SLC26A7: variants seen among roughly 807,000 people sequenced by gnomAD.
The protein encoded by SLC26A7 is anion exchange transporter.
Under a neutral mutation model 82.5 loss-of-function variants are expected in SLC26A7, and 59 were observed. The ratio of observed to expected loss-of-function variants is 0.72; its 90% CI spans 0.58 to 0.89. The LOEUF (loss-of-function observed/expected upper bound fraction) is 0.89. SLC26A7 is among the 40% of genes least tolerant of loss of function. The probability of loss-of-function intolerance (pLI) is 0.00; values close to 1 mark genes in which losing one functional copy is unlikely to be tolerated. For synonymous variants in SLC26A7, 271 were observed against 274.3 expected, an observed-to-expected ratio of 0.99 and a Z score of 0.12; for missense variants, 820 against 793.0, an observed-to-expected ratio of 1.03 and a Z score of -0.41.
At position 91,340,568 on chromosome 8, in the gene SLC26A7, G is replaced by C. The variant is rs533490449; in HGVS notation, c.1026+17G>C. 3.1e-6 allele frequency: 5 copies of C among 1,613,434 alleles called. No homozygotes were observed. In the South Asian group the frequency reaches 5.5e-5, roughly 18 times the overall value. ...GACAACCAGGTGGAGTGTGCCCCCA[G>C]TCCCTCTCCACTCCAGTTGTATCAT... On this transcript the variant is annotated intron_variant, in intron 8 of 18. Transcript: ENST00000276609.
intron 2 of SLC26A7, among the ~76,000 whole-genome samples, chr8:91,228,456 T>C (rs903533981): frequency 1.3e-5 from 2 of 152,214 alleles, no homozygotes; most frequent in Non-Finnish European, 1.5e-5. Flanking sequence ...ATGGGGCTTA[T>C]TAATATCACT....
At chr8:91,271,792 C>T (rs1333203513) in intron 2 of SLC26A7, among the ~76,000 whole-genome samples, 3 of 152,068 alleles carry the variant, frequency 2.0e-5, no homozygotes, top group Non-Finnish European at 2.9e-5. Flanking sequence ...GCTGGGGTTT[C>T]ACCGTATTAG....
chr8:91,290,956 A>G (rs2130768858), intron 3 of SLC26A7, among the ~76,000 whole-genome samples: 1 of 152,300 alleles, frequency 6.6e-6, no homozygotes, highest in African/African-American at 2.4e-5. Flanking sequence ...TTAAAAGTGC[A>G]AAGCCTTTAT....
At chr8:91,311,852 C>G (rs908509948) in intron 4 of SLC26A7, among the ~76,000 whole-genome samples, 1 of 152,074 alleles carries the variant, frequency 6.6e-6, no homozygotes, top group Non-Finnish European at 1.5e-5. Context: ...TCCTCTTGCT[C>G]TCAGTATATC....
intron 5 of SLC26A7, among the ~76,000 whole-genome samples, chr8:91,323,878 G>A (rs1812863829): frequency 6.9e-6 from 1 of 145,570 alleles, no homozygotes; most frequent in African/African-American, 2.6e-5. Flanking sequence ...GAGTGCAGTG[G>A]TGCCATCTCG....
upstream of SLC26A7, among the ~76,000 whole-genome samples, chr8:91,248,066 C>T (rs888275172): frequency 5.3e-5 from 8 of 152,114 alleles, no homozygotes; most frequent in African/African-American, 1.9e-4. Flanking sequence ...GAGTTCATCT[C>T]TCATACCAAG....
At chr8:91,259,643 G>A (rs1270707952) in intron 2 of SLC26A7, among the ~76,000 whole-genome samples, 1 of 151,988 alleles carries the variant, frequency 6.6e-6, no homozygotes. Flanking sequence ...ACCGCACTTA[G>A]TATTCTAAAG....
At chr8:91,388,856 T>C (rs1184026619) in intron 15 of SLC26A7, among the ~76,000 whole-genome samples, 2 of 151,876 alleles carry the variant, frequency 1.3e-5, no homozygotes, top group African/African-American at 2.4e-5. Flanking sequence ...GCCCTAGCAA[T>C]GGAGTTTTTT....
chr8:91,314,749 G>A (rs1812582579), intron 4 of SLC26A7, among the ~76,000 whole-genome samples: 1 of 152,120 alleles, frequency 6.6e-6, no homozygotes, highest in South Asian at 2.1e-4. Context: ...TTGGTAGGAG[G>A]ATTTTTTTAA....
intron 1 of SLC26A7, among the ~76,000 whole-genome samples, chr8:91,210,306 G>A (rs1469453318): frequency 2.0e-5 from 3 of 152,104 alleles, no homozygotes; most frequent in Non-Finnish European, 4.4e-5. Context: ...ACCACCTTCT[G>A]TCTCTTTTTT....
intron 2 of SLC26A7, among the ~76,000 whole-genome samples, chr8:91,234,795 A>ACCTC (rs1810364187): frequency 1.4e-5 from 1 of 69,400 alleles, no homozygotes; most frequent in African/African-American, 5.2e-5. Flanking sequence ...CTCCCTCCCT[A>ACCTC]CCTACCTACC....
At chr8:91,212,062 T>C (rs1481126314) in intron 1 of SLC26A7, among the ~76,000 whole-genome samples, 1 of 152,136 alleles carries the variant, frequency 6.6e-6, no homozygotes, top group African/African-American at 2.4e-5. Flanking sequence ...AATGCTATAG[T>C]TCTGCCATCA....
intron 2 of SLC26A7, among the ~76,000 whole-genome samples, chr8:91,257,576 A>G: frequency 6.6e-6 from 1 of 152,098 alleles, no homozygotes; most frequent in East Asian, 1.9e-4. Flanking sequence ...CATGAGCCTC[A>G]GACAGCATAG....
chr8:91,318,020 T>C (rs941335922), intron 4 of SLC26A7, among the ~76,000 whole-genome samples, 196 bp from the exon 5 acceptor site: 5 of 149,522 alleles, frequency 3.3e-5, no homozygotes, highest in Non-Finnish European at 7.4e-5. Flanking sequence ...AAAAGAAACC[T>C]TTGAAACCTC....
At chr8:91,248,268 A>T (rs2130693158), upstream of SLC26A7, among the ~76,000 whole-genome samples, 1 of 152,220 alleles carries the variant, frequency 6.6e-6, no homozygotes, top group Middle Eastern at 3.4e-3. Context: ...ATTTAAAAAG[A>T]AAGGTATTTT....
rs1021677770 is a variant in SLC26A7, at chr8:91,261,278, A to G, written c.193+11434A>G. 3.9e-5 allele frequency among the ~76,000 whole-genome samples: 6 copies of G among 152,284 alleles called. No homozygotes were observed. In the South Asian group the frequency reaches 1.0e-3, roughly 26 times the overall value. On this transcript the variant is annotated intron_variant, in intron 2 of 18. Transcript: ENST00000276609. ...GAAAGCGATAGAGGAGTATAAGACA[A>G]CAATCCAGCCCACAAGGGGCTTATT...
At chr8:91,253,024 G>A (rs1251732628) in intron 2 of SLC26A7, among the ~76,000 whole-genome samples, 1 of 151,922 alleles carries the variant, frequency 6.6e-6, no homozygotes, top group Non-Finnish European at 1.5e-5. Context: ...TACTTCAAAT[G>A]CTGTGTCTTC....
At chr8:91,366,939 G>T (rs1173918485) in intron 14 of SLC26A7, among the ~76,000 whole-genome samples, 6 of 151,824 alleles carry the variant, frequency 4.0e-5, no homozygotes, top group Non-Finnish European at 2.9e-5. Context: ...TGTGTTGCAG[G>T]TACTACAGCA....
intron 14 of SLC26A7, among the ~76,000 whole-genome samples, chr8:91,369,481 TA>T (rs796620573): frequency 1.8e-4 from 27 of 152,120 alleles, no homozygotes; most frequent in African/African-American, 5.8e-4. Flanking sequence ...ATATGCTACT[TA>T]AAAAATGTGC....
Sources: allele counts gnomAD v4.1 joint callset (sites outside exome capture counted in the v4.1 genomes callset), GRCh38; gene constraint gnomAD v4.1.1; transcripts MANE v1.5; gene names NCBI Gene and HGNC (gene_info 2026-07-23, HGNC 2026-07-21).